Variants in SLC39A11 observed in about 807,000 individuals in gnomAD.
The protein encoded by SLC39A11 is solute carrier family 39 member 11.
In SLC39A11, 33 loss-of-function variants were observed where a neutral mutation model predicts 36.1. That is an observed-to-expected ratio of 0.91 (90% CI 0.69 to 1.22). The LOEUF is 1.22. SLC39A11 is among the 50% of genes most tolerant of loss of function. SLC39A11 has a pLI of 0.00. For missense variants in SLC39A11, 432 were observed against 430.3 expected, an observed-to-expected ratio of 1.00 and a Z score of -0.03; for synonymous variants, 166 against 170.3, an observed-to-expected ratio of 0.97 and a Z score of 0.20.
At chr17:72,900,815 G>A (rs2082356610) in intron 5 of SLC39A11, among the ~76,000 whole-genome samples, 1 of 152,156 alleles carries the variant, frequency 6.6e-6, no homozygotes, top group Admixed American at 6.5e-5. Flanking sequence ...TGGGAAAGCA[G>A]ACACTAATCA....
rs985039656 is a variant in SLC39A11 at position 73,046,181 on chromosome 17, T to C, written c.148-14467A>G. Among the ~76,000 whole-genome samples the C allele has an allele frequency of 5.3e-5, 8 of 152,232 alleles. 1 individual carries two copies. The highest frequency in any genetic ancestry group is 3.9e-4 in the Admixed American group (6 of 15,282). ...ACAAACCACCCACCTGCTAGCTTCA[T>C]GCCTCTTTTCTTGGCTCAAACGAGC... On this transcript the variant is annotated intron_variant, in intron 3 of 9. Coordinates refer to ENST00000255559, the MANE Select transcript of SLC39A11 (RefSeq NM_139177.4).
At chr17:72,768,569 G>A (rs186756671) in intron 6 of SLC39A11, among the ~76,000 whole-genome samples, 54 of 152,168 alleles carry the variant, frequency 3.5e-4, no homozygotes, top group Non-Finnish European at 5.9e-4. Context: ...GGCAGGAACC[G>A]AGGCTTGCTT....
intron 6 of SLC39A11, among the ~76,000 whole-genome samples, chr17:72,802,758 C>T (rs1056434420): frequency 1.3e-5 from 2 of 152,104 alleles, no homozygotes; most frequent in Admixed American, 1.3e-4. Flanking sequence ...GAGCCACTCA[C>T]TGTAAACCAG....
At position 72,982,052 on chromosome 17, in the gene SLC39A11, G is replaced by A. The variant is rs535769623; in HGVS notation, c.307-34177C>T. Among the ~76,000 whole-genome samples, 7 of 150,824 alleles carry A rather than the reference G, an allele frequency of 4.6e-5. No homozygotes were observed. The South Asian group carries it at 1.5e-3, about 32-fold the overall frequency. ...GAGGCCAGGAGTTTGAGACCAGCCTGGGCAGCATGGTGAGACTCCATCTCT... is the reference window on the plus strand; with the variant it reads ...GAGGCCAGGAGTTTGAGACCAGCCTAGGCAGCATGGTGAGACTCCATCTCT... On this transcript the variant is annotated intron_variant, in intron 4 of 9. Transcript: ENST00000255559.
chr17:72,698,749 G>A lies in SLC39A11; in HGVS notation c.671+37901C>T, dbSNP rs115228267. Among the ~76,000 whole-genome samples, 1,060 of 152,236 alleles carry A rather than the reference G, an allele frequency of 7.0e-3. 15 individuals are homozygous for A. Among genetic ancestry groups the A allele is most frequent in the African/African-American group, 0.024 (1,008 of 41,530 alleles). ...CCAGTGGAACTGGCATTATCCCCACGGTACAAACATTCCTCCAGTGTGAAT... is the reference window on the plus strand; with the variant it reads ...CCAGTGGAACTGGCATTATCCCCACAGTACAAACATTCCTCCAGTGTGAAT... On this transcript the variant is annotated intron_variant, in intron 7 of 9. Coordinates refer to ENST00000255559, the MANE Select transcript of SLC39A11 (RefSeq NM_139177.4).
chr17:72,741,226 T>C (rs1448592908), intron 6 of SLC39A11, among the ~76,000 whole-genome samples: 1 of 152,102 alleles, frequency 6.6e-6, no homozygotes, highest in African/African-American at 2.4e-5. Flanking sequence ...TTTTAATTTT[T>C]AAAAAAGTTT....
At chr17:72,723,430 T>G (rs1215236479) in intron 7 of SLC39A11, among the ~76,000 whole-genome samples, 1 of 151,782 alleles carries the variant, frequency 6.6e-6, no homozygotes, top group Non-Finnish European at 1.5e-5. Flanking sequence ...TCAGAGTAAG[T>G]AGTAGCAGGA....
At chr17:72,833,234 G>A (rs1038669116) in intron 6 of SLC39A11, among the ~76,000 whole-genome samples, 2 of 147,290 alleles carry the variant, frequency 1.4e-5, no homozygotes, top group African/African-American at 5.0e-5. Context: ...TGGCAACACA[G>A]GAATGAAATC....
rs1312171120 is a variant in SLC39A11 at position 72,646,766 on chromosome 17, T to G, written c.*818A>C. On this transcript the variant is annotated 3_prime_UTR_variant, in exon 10 of 10. Transcript: ENST00000255559. ...TCTTAGAAACATGATGGCTATAAAC[T>G]TATCAAAATAAATGCCTAAGAAATT... The G allele has an allele frequency of 6.6e-6, 1 of 152,558 alleles. No homozygotes were observed. Among genetic ancestry groups the G allele is most frequent in the African/African-American group, 2.4e-5 (1 of 41,434 alleles). 9.5% of individuals were successfully genotyped at this position (152,558 alleles called of 1,614,324 possible).
chr17:73,034,982 A>C (rs1301566918), intron 3 of SLC39A11, among the ~76,000 whole-genome samples: 6 of 152,150 alleles, frequency 3.9e-5, no homozygotes, highest in Non-Finnish European at 8.8e-5. Context: ...TTCCAGTCAA[A>C]TTTAGGATCC....
Position 72,789,196 on chromosome 17 carries a change from G to A in SLC39A11, c.602-52477C>T, listed in dbSNP as rs961485245. 3.3e-5 allele frequency among the ~76,000 whole-genome samples: 5 copies of A among 152,172 alleles called. No individual in the cohort carries two copies. In the South Asian group the frequency reaches 6.2e-4, roughly 19 times the overall value. ...ACTACACGCGCACGCCACCATGTCCGGCTAATTTCTGTGTTTTTAGCAGAG... is the reference window on the plus strand; with the variant it reads ...ACTACACGCGCACGCCACCATGTCCAGCTAATTTCTGTGTTTTTAGCAGAG... On this transcript the variant is annotated intron_variant, in intron 6 of 9. Transcript: ENST00000255559.
intron 6 of SLC39A11, among the ~76,000 whole-genome samples, chr17:72,845,125 T>A (rs145760156): frequency 6.6e-6 from 1 of 152,330 alleles, no homozygotes; most frequent in African/African-American, 2.4e-5. Context: ...CCTGCTTCCA[T>A]CCTTACCTCT....
intron 5 of SLC39A11, among the ~76,000 whole-genome samples, chr17:72,858,296 C>T (rs921442521): frequency 6.6e-6 from 1 of 152,042 alleles, no homozygotes; most frequent in Non-Finnish European, 1.5e-5. Context: ...AGATGTTCAG[C>T]CTTATATATG....
chr17:72,860,815 C>A (rs192987386), intron 5 of SLC39A11, among the ~76,000 whole-genome samples: 356 of 152,246 alleles, frequency 2.3e-3, no homozygotes, highest in Non-Finnish European at 3.0e-3. Context: ...TTTTTCTGCC[C>A]ATACATGTTC....
chr17:73,001,841 G>C (rs1000655341), intron 4 of SLC39A11, among the ~76,000 whole-genome samples: 4 of 152,284 alleles, frequency 2.6e-5, no homozygotes, highest in East Asian at 3.9e-4. Context: ...CCTGCAGAGA[G>C]GCTGTACCAG....
chr17:72,794,276 A>C (rs1190444344), intron 6 of SLC39A11, among the ~76,000 whole-genome samples: 3 of 152,106 alleles, frequency 2.0e-5, no homozygotes, highest in Non-Finnish European at 2.9e-5. Context: ...ATCATAAGAA[A>C]GGAGCTTGCT....
chr17:72,797,685 G>A (rs1269939995), intron 6 of SLC39A11, among the ~76,000 whole-genome samples: 4 of 152,084 alleles, frequency 2.6e-5, no homozygotes, highest in East Asian at 3.8e-4. Flanking sequence ...GCACACCATC[G>A]TGGCCCGGCT....
chr17:72,952,762 C>T lies in SLC39A11; in HGVS notation c.307-4887G>A, dbSNP rs180808408. 1.3e-3 allele frequency among the ~76,000 whole-genome samples: 194 copies of T among 152,268 alleles called. 1 individual carries two copies. The highest frequency in any genetic ancestry group is 4.4e-3 in the African/African-American group (183 of 41,552). ...ATAGCCCTGCAAGGTCGGCAAAGTG[C>T]GAGCGTGATCCTTCTTAGGGCAAAC... On this transcript the variant is annotated intron_variant, in intron 4 of 9. Transcript: ENST00000255559.
At chr17:72,892,723 T>C (rs2081819814) in intron 5 of SLC39A11, among the ~76,000 whole-genome samples, 2 of 152,178 alleles carry the variant, frequency 1.3e-5, no homozygotes, top group Admixed American at 6.5e-5. Flanking sequence ...CAGAAACAAT[T>C]GGTCCACAAT....
Sources: allele counts gnomAD v4.1 joint callset (sites outside exome capture counted in the v4.1 genomes callset), GRCh38; gene constraint gnomAD v4.1.1; transcripts MANE v1.5; gene names NCBI Gene and HGNC (gene_info 2026-07-23, HGNC 2026-07-21).